The following LUZP2 variants were observed in gnomAD, a reference collection of about 807,000 sequenced individuals.
LUZP2 encodes leucine zipper protein 2.
Under a neutral mutation model 51.6 loss-of-function variants are expected in LUZP2, and 52 were observed. The ratio of observed to expected loss-of-function variants is 1.01; its 90% CI spans 0.81 to 1.27. LUZP2 has a LOEUF of 1.27. Among genes scored for constraint, LUZP2 ranks in the 50% most tolerant of loss-of-function variants. LUZP2 has a pLI of 0.00. For missense variants in LUZP2, 436 were observed against 395.4 expected (o/e 1.10, Z -0.87); for synonymous variants, 154 against 137.3 (o/e 1.12, Z -0.85).
At chr11:24,517,823 C>T (rs1202104405) in intron 1 of LUZP2, among the ~76,000 whole-genome samples, 2 of 152,138 alleles carry the variant, frequency 1.3e-5, no homozygotes, top group East Asian at 1.9e-4. Flanking sequence ...AAGAAAAATC[C>T]TTTTGTGTTT....
intron 5 of LUZP2, among the ~76,000 whole-genome samples, chr11:24,807,372 G>A (rs1223987983): frequency 6.6e-6 from 1 of 150,850 alleles, no homozygotes; most frequent in African/African-American, 2.4e-5. Flanking sequence ...TGAGGCAGGA[G>A]AATCACTTGA....
chr11:24,902,520 C>G (rs1041817122), intron 5 of LUZP2, among the ~76,000 whole-genome samples: 12 of 152,168 alleles, frequency 7.9e-5, no homozygotes, highest in African/African-American at 1.9e-4. Context: ...TATGGAACAT[C>G]TTTATCAAAA....
At chr11:24,632,351 A>G (rs933641843) in intron 1 of LUZP2, among the ~76,000 whole-genome samples, 2 of 152,018 alleles carry the variant, frequency 1.3e-5, no homozygotes, top group Non-Finnish European at 2.9e-5. Context: ...TTACACAAAT[A>G]ATTTGAAATA....
chr11:24,895,348 A>G (rs1853005587), intron 5 of LUZP2, among the ~76,000 whole-genome samples: 1 of 152,076 alleles, frequency 6.6e-6, no homozygotes. Context: ...AAACAAACAG[A>G]ACTTTTTTTT....
intron 5 of LUZP2, among the ~76,000 whole-genome samples, chr11:24,901,221 G>T (rs1227118235): frequency 1.3e-5 from 2 of 151,964 alleles, no homozygotes; most frequent in African/African-American, 4.8e-5. Context: ...TGGCAAGAGG[G>T]CTTGTCTGAG....
intron 7 of LUZP2, among the ~76,000 whole-genome samples, chr11:24,942,629 T>C (rs991863400): frequency 6.6e-6 from 1 of 152,210 alleles, no homozygotes; most frequent in Non-Finnish European, 1.5e-5. Flanking sequence ...AATAGTTCTT[T>C]ATCAGATATA....
rs539009245 is a variant in LUZP2 at position 24,512,415 on chromosome 11, C to T, written c.62+15110C>T. 8.5e-4 allele frequency among the ~76,000 whole-genome samples: 129 copies of T among 151,986 alleles called. 1 individual carries two copies. Among genetic ancestry groups the T allele is most frequent in the African/African-American group, 3.0e-3 (123 of 41,450 alleles). Reference sequence around the variant, plus strand: ...CAAATATTTAATAGTACAAGTAAGACGTGGGAAAAAAGCAAATATAATAAT... The same window carrying T: ...CAAATATTTAATAGTACAAGTAAGATGTGGGAAAAAAGCAAATATAATAAT... On this transcript the variant is annotated intron_variant, in intron 1 of 11. Coordinates refer to ENST00000336930, the MANE Select transcript of LUZP2 (RefSeq NM_001009909.4).
chr11:25,031,402 C>T (rs1195036608), intron 9 of LUZP2, among the ~76,000 whole-genome samples: 2 of 152,036 alleles, frequency 1.3e-5, no homozygotes, highest in African/African-American at 4.8e-5. Context: ...TTCTCAATTG[C>T]TTATGTGTTT....
chr11:24,990,748 G>T (rs1390815028), intron 9 of LUZP2, among the ~76,000 whole-genome samples: 3 of 151,870 alleles, frequency 2.0e-5, no homozygotes, highest in Non-Finnish European at 2.9e-5. Flanking sequence ...GAAATATAAA[G>T]AATCTAAATA....
At chr11:25,038,785 TA>T (rs552318735) in intron 9 of LUZP2, among the ~76,000 whole-genome samples, 118 of 152,322 alleles carry the variant, frequency 7.7e-4, no homozygotes, top group African/African-American at 2.7e-3. Flanking sequence ...AGCATTTCTT[TA>T]ACTGTGGTGT....
At chr11:24,699,246 A>T (rs1857346991) in intron 1 of LUZP2, among the ~76,000 whole-genome samples, 1 of 151,844 alleles carries the variant, frequency 6.6e-6, no homozygotes, top group Non-Finnish European at 1.5e-5. Context: ...CTTCACCATA[A>T]ATTTTATGTT....
intron 7 of LUZP2, among the ~76,000 whole-genome samples, chr11:24,948,510 C>T: frequency 6.6e-6 from 1 of 151,652 alleles, no homozygotes; most frequent in Non-Finnish European, 1.5e-5. Context: ...GCAGGGTTAG[C>T]ACCAGAATTG....
At chr11:24,779,546 A>G (rs1849029119) in intron 5 of LUZP2, among the ~76,000 whole-genome samples, 1 of 152,186 alleles carries the variant, frequency 6.6e-6, no homozygotes, top group African/African-American at 2.4e-5. Context: ...TTTTCATAAT[A>G]AATGTAAAGT....
intron 1 of LUZP2, among the ~76,000 whole-genome samples, chr11:24,657,042 A>T (rs1855830654): frequency 6.6e-6 from 1 of 152,222 alleles, no homozygotes; most frequent in African/African-American, 2.4e-5. Flanking sequence ...TGATAATAAA[A>T]GTCTTTGCTC....
chr11:24,927,101 T>G (rs571387572), intron 7 of LUZP2, among the ~76,000 whole-genome samples: 1 of 151,918 alleles, frequency 6.6e-6, no homozygotes, highest in African/African-American at 2.4e-5. Context: ...GGATCTTTTT[T>G]TTTTTCTTTT....
chr11:24,574,934 G>A (rs749894241), intron 1 of LUZP2, among the ~76,000 whole-genome samples: 72 of 152,226 alleles, frequency 4.7e-4, no homozygotes, highest in Non-Finnish European at 7.7e-4. Flanking sequence ...GAGATTAAGT[G>A]AATATAGTCA....
At chr11:25,073,400 C>T (rs987591095) in intron 10 of LUZP2, among the ~76,000 whole-genome samples, 1 of 152,062 alleles carries the variant, frequency 6.6e-6, no homozygotes, top group African/African-American at 2.4e-5. Context: ...TTTTCTTCTC[C>T]CTGTGTGGAG....
At chr11:25,016,144 T>A (rs1355707302) in intron 9 of LUZP2, among the ~76,000 whole-genome samples, 1 of 151,928 alleles carries the variant, frequency 6.6e-6, no homozygotes, top group Non-Finnish European at 1.5e-5. Flanking sequence ...ATGGTCTCGA[T>A]CTCCTGACCT....
intron 9 of LUZP2, among the ~76,000 whole-genome samples, chr11:25,030,934 T>C (rs1310929906): frequency 0.014 from 17 of 1,252 alleles, no homozygotes; most frequent in Non-Finnish European, 0.018. Flanking sequence ...ATATATAATA[T>C]ATATTATATA....
Sources: gnomAD v4.1 joint callset for allele counts (sites outside exome capture counted in the v4.1 genomes callset) on GRCh38, gnomAD v4.1.1 for gene constraint, MANE v1.5 for transcripts, NCBI Gene and HGNC (gene_info 2026-07-23, HGNC 2026-07-21) for gene names.